H2BC18: variants seen among roughly 807,000 people sequenced by gnomAD.
H2BC18 encodes histone H2B type 2-F.
H2BC18 carries 8 observed loss-of-function variants against 6.3 expected under a neutral mutation model. That is an observed-to-expected ratio of 1.28 (90% CI 0.75 to 2.31). The LOEUF (loss-of-function observed/expected upper bound fraction) is 2.31, where lower values mean the gene tolerates loss of function less well. Among genes scored for constraint, H2BC18 ranks in the 30% most tolerant of loss-of-function variants. The probability of loss-of-function intolerance (pLI) is 0.00; values close to 1 mark genes in which losing one functional copy is unlikely to be tolerated. For missense variants in H2BC18, 106 were observed against 174.5 expected (o/e 0.61, Z 2.21); for synonymous variants, 104 against 78.1 (o/e 1.33, Z -1.75).
At chr1:149,799,459 T>A (rs587690939) in intron 1 of H2BC18, among the ~76,000 whole-genome samples, 17 of 152,150 alleles carry the variant, frequency 1.1e-4, no homozygotes, top group African/African-American at 4.1e-4. Context: ...GATGTATGTA[T>A]GCATTTAGAT....
At chr1:149,807,386 G>A (rs1447344012), downstream of H2BC18, among the ~76,000 whole-genome samples, 2 of 151,960 alleles carry the variant, frequency 1.3e-5, no homozygotes, top group Non-Finnish European at 2.9e-5. Flanking sequence ...CAGCTACTCA[G>A]GAAGCTGAGG....
chr1:149,785,348 T>C (rs1300551582), intron 1 of H2BC18, among the ~76,000 whole-genome samples: 2 of 150,804 alleles, frequency 1.3e-5, no homozygotes, highest in African/African-American at 4.9e-5. Context: ...ATGTGTCCCT[T>C]AGGTCTCTGT....
intron 1 of H2BC18, chr1:149,788,474 G>A (rs374578876): frequency 1.2e-4 from 197 of 1,613,564 alleles, no homozygotes; most frequent in Admixed American, 5.8e-4. Context: ...CTTTACTATC[G>A]AAATGGCAAA....
intron 1 of H2BC18, chr1:149,792,850 G>T (rs587752082): frequency 1.0e-5 from 13 of 1,268,448 alleles, no homozygotes; most frequent in African/African-American, 1.6e-5. Context: ...AGAGCAAGGG[G>T]TCGCCGTTCG....
intron 1 of H2BC18, chr1:149,791,697 C>G: frequency 1.1e-6 from 1 of 901,768 alleles, no homozygotes; most frequent in Middle Eastern, 3.6e-4. Context: ...ATGTGGTCAT[C>G]AAAGATGACT....
intron 1 of H2BC18, among the ~76,000 whole-genome samples, chr1:149,795,251 A>AAAATAAATAAAT (rs59487657): frequency 1.6e-4 from 17 of 108,712 alleles, no homozygotes; most frequent in East Asian, 7.0e-4. Context: ...CCCTGTCTCA[A>AAAATAAATAAAT]AAATAAATAA....
Position 149,788,617 on chromosome 1 carries a change from G to C in H2BC18, c.378-5357C>G, listed in dbSNP as rs782539508. 4.3e-6 allele frequency: 7 copies of C among 1,613,964 alleles called. No individual in the cohort carries two copies. The East Asian group carries it at 6.7e-5, about 15-fold the overall frequency. On this transcript the variant is annotated intron_variant, in intron 1 of 1. Transcript: ENST00000545683. ...AGCAGGAATATCTGTCACTGTGAAA[G>C]GTATTGTATTGGAATAGTCATAGAA...
intron 1 of H2BC18, chr1:149,784,374 T>C (rs1407285213): frequency 6.2e-7 from 1 of 1,601,570 alleles, no homozygotes; most frequent in Admixed American, 1.7e-5. Context: ...CTCAGCACTA[T>C]GTACCTACCA....
rs2091761003 is a variant in H2BC18 at position 149,793,350 on chromosome 1, C to G, written c.378-10090G>C. 7 of 1,143,586 alleles carry G rather than the reference C, an allele frequency of 6.1e-6. No individual in the cohort carries two copies. The South Asian group carries it at 1.1e-4, about 19-fold the overall frequency. 70.8% of individuals were successfully genotyped at this position (1,143,586 alleles called of 1,614,324 possible). A position where few individuals can be genotyped will look rare whatever the true frequency, so the allele number is the denominator to read the frequency against. On this transcript the variant is annotated intron_variant, in intron 1 of 1. Transcript: ENST00000545683. ...CTCACCGTCAAAAGCAGGAAGGGAGCTGGCTCGGCGGGATCAGCAAGCCAG... is the reference window on the plus strand; with the variant it reads ...CTCACCGTCAAAAGCAGGAAGGGAGGTGGCTCGGCGGGATCAGCAAGCCAG...
intron 1 of H2BC18, among the ~76,000 whole-genome samples, chr1:149,799,676 C>G (rs587618153): frequency 1.0e-3 from 157 of 152,292 alleles, no homozygotes; most frequent in Non-Finnish European, 1.7e-3. Context: ...CTCTCTAACT[C>G]CTCATCCTGT....
At chr1:149,786,179 A>C (rs587744152) in intron 1 of H2BC18, 1 of 152,256 alleles carries the variant, frequency 6.6e-6, no homozygotes, top group South Asian at 2.1e-4. Context: ...ATACAAATGC[A>C]AATTAAGCAT....
intron 1 of H2BC18, among the ~76,000 whole-genome samples, chr1:149,785,415 T>C (rs1345384970): frequency 3.0e-5 from 4 of 132,170 alleles, no homozygotes; most frequent in African/African-American, 1.1e-4. Context: ...TTCGTTTTTT[T>C]TTTTTTTTTT....
chr1:149,802,332 C>T (rs1436866154), intron 1 of H2BC18, among the ~76,000 whole-genome samples: 1 of 152,036 alleles, frequency 6.6e-6, no homozygotes, highest in South Asian at 2.1e-4. Flanking sequence ...GGAACTAATC[C>T]TATGGCTAAT....
Position 149,789,574 on chromosome 1 carries a change from G to A in H2BC18, c.378-6314C>T, listed in dbSNP as rs189516250. 9.9e-5 allele frequency among the ~76,000 whole-genome samples: 15 copies of A among 152,264 alleles called. No individual in the cohort carries two copies. The East Asian group carries it at 1.2e-3, about 12-fold the overall frequency. The stretch of plus-strand genomic sequence containing the variant: ...AGGGGTTCCCAACCCTTACTGGTCC[G>A]TGGCCTGTTAGGAACTGGGCTGCAC... On this transcript the variant is annotated intron_variant, in intron 1 of 1. Transcript: ENST00000545683.
At chr1:149,788,673 T>C (rs1337607584) in intron 1 of H2BC18, 4 of 1,560,060 alleles carry the variant, frequency 2.6e-6, no homozygotes, top group Non-Finnish European at 3.5e-6. Flanking sequence ...GGGACCATCA[T>C]AAATATTCTA....
intron 1 of H2BC18, chr1:149,805,342 A>G (rs1430897119): frequency 6.6e-6 from 1 of 152,198 alleles, no homozygotes; most frequent in Admixed American, 6.5e-5. Flanking sequence ...ATAATTGTCC[A>G]TCTTCAAGTA....
At chr1:149,811,780 T>C, downstream of H2BC18, 1 of 688,874 alleles carries the variant, frequency 1.5e-6, no homozygotes, top group Non-Finnish European at 2.5e-6. Flanking sequence ...AACTCCTTAG[T>C]CCTAAACCCG....
intron 1 of H2BC18, among the ~76,000 whole-genome samples, chr1:149,799,881 G>T (rs609312): frequency 6.6e-6 from 1 of 152,168 alleles, no homozygotes; most frequent in African/African-American, 2.4e-5. Flanking sequence ...GACGGCGGAG[G>T]GGGGTTCTCC....
At position 149,791,492 on chromosome 1, in the gene H2BC18, G is replaced by A. The variant is rs587772264; in HGVS notation, c.378-8232C>T. On this transcript the variant is annotated intron_variant, in intron 1 of 1. Coordinates refer to the H2BC18 transcript ENST00000545683. ...GAACAGCTGCAGGAAGGGGTGCACC[G>A]GAAGGAGCCCCAGGGGGCCACGTAG... 47 of 1,609,540 alleles carry A rather than the reference G, an allele frequency of 2.9e-5. 1 individual carries two copies. Among genetic ancestry groups the A allele is most frequent in the African/African-American group, 1.5e-4 (11 of 74,110 alleles).
Sources: gnomAD v4.1 joint callset for allele counts (sites outside exome capture counted in the v4.1 genomes callset) on GRCh38, gnomAD v4.1.1 for gene constraint, MANE v1.5 for transcripts, NCBI Gene and HGNC (gene_info 2026-07-23, HGNC 2026-07-21) for gene names.